TGFBR2: variants seen among roughly 807,000 people sequenced by gnomAD.
The protein encoded by TGFBR2 is transforming growth factor beta receptor 2.
A neutral mutation model predicts 49.0 loss-of-function variants in TGFBR2; 18 were observed. That is an observed-to-expected ratio of 0.37 (90% CI 0.25 to 0.54). The LOEUF (loss-of-function observed/expected upper bound fraction) is 0.54, where lower values mean the gene tolerates loss of function less well. Ranked by LOEUF, TGFBR2 falls within the 20% of genes least tolerant of loss-of-function variation. The pLI, the probability that TGFBR2 is intolerant of heterozygous loss-of-function variation, is 0.85. For synonymous variants in TGFBR2, 282 were observed against 275.9 expected (o/e 1.02, Z -0.22); for missense variants, 525 against 722.6 (o/e 0.73, Z 3.13).
chr3:30,613,516 G>A (rs1359108745), intron 1 of TGFBR2, among the ~76,000 whole-genome samples: 1 of 143,660 alleles, frequency 7.0e-6, no homozygotes, highest in African/African-American at 2.7e-5. Flanking sequence ...GTGTGTGTGT[G>A]TCTGTATGTG....
At position 30,607,108 on chromosome 3, in the gene TGFBR2, A is replaced by T. The variant is rs1575126026; in HGVS notation, c.94+131A>T. The T allele has an allele frequency of 5.7e-6, 4 of 706,586 alleles. No homozygotes were observed. In the Admixed American group the frequency reaches 1.0e-4, roughly 18 times the overall value. 43.8% of individuals were successfully genotyped at this position (706,586 alleles called of 1,614,324 possible). On this transcript the variant is annotated intron_variant, in intron 1 of 6. Transcript: ENST00000295754. ...GGAAACGAGGAAAGTTTCCCCCGCGACACTCACGCAGCCCGACTCCCGTAG... is the reference window on the plus strand; with the variant it reads ...GGAAACGAGGAAAGTTTCCCCCGCGTCACTCACGCAGCCCGACTCCCGTAG...
At chr3:30,636,118 C>G (rs1698523612) in intron 1 of TGFBR2, among the ~76,000 whole-genome samples, 1 of 148,484 alleles carries the variant, frequency 6.7e-6, no homozygotes. Context: ...AATTGTTGGC[C>G]AGATGGTAGG....
intron 3 of TGFBR2, among the ~76,000 whole-genome samples, chr3:30,652,288 G>A (rs1698906580): frequency 7.7e-6 from 1 of 129,204 alleles, no homozygotes; most frequent in Non-Finnish European, 1.5e-5. Flanking sequence ...AGGCTGGAGT[G>A]CAATGGCACG....
intron 3 of TGFBR2, among the ~76,000 whole-genome samples, chr3:30,657,220 T>A (rs916444585): frequency 6.6e-6 from 1 of 152,198 alleles, no homozygotes; most frequent in African/African-American, 2.4e-5. Flanking sequence ...TGTGTTTGCT[T>A]TTTTATCAGT....
At chr3:30,655,561 A>G (rs918234690) in intron 3 of TGFBR2, among the ~76,000 whole-genome samples, 1 of 152,206 alleles carries the variant, frequency 6.6e-6, no homozygotes, top group Non-Finnish European at 1.5e-5. Context: ...AATAAAACTG[A>G]AACAACCCAC....
At chr3:30,615,427 T>C (rs547836301) in intron 1 of TGFBR2, among the ~76,000 whole-genome samples, 2 of 152,250 alleles carry the variant, frequency 1.3e-5, no homozygotes, top group African/African-American at 4.8e-5. Context: ...AAATTTGAAG[T>C]CAATCCAAAA....
chr3:30,647,285 C>A (rs187039699), intron 2 of TGFBR2, among the ~76,000 whole-genome samples: 4 of 152,334 alleles, frequency 2.6e-5, no homozygotes, highest in African/African-American at 9.6e-5. Flanking sequence ...AAGGACATCC[C>A]ATTTTCAGAG....
intron 1 of TGFBR2, 29 bp downstream of exon 1, chr3:30,607,006 G>A (rs757965154): frequency 9.1e-6 from 14 of 1,546,176 alleles, no homozygotes; most frequent in Non-Finnish European, 1.1e-5. Flanking sequence ...GGGCTCGGCG[G>A]GGCGCCGGGG....
chr3:30,608,042 G>C (rs191117291), intron 1 of TGFBR2, among the ~76,000 whole-genome samples: 1 of 151,264 alleles, frequency 6.6e-6, no homozygotes, highest in Non-Finnish European at 1.5e-5. Context: ...GGGTTCAAGC[G>C]ATTCTCCTGC....
At chr3:30,655,127 T>G (rs1203450266) in intron 3 of TGFBR2, among the ~76,000 whole-genome samples, 1 of 152,188 alleles carries the variant, frequency 6.6e-6, no homozygotes, top group Non-Finnish European at 1.5e-5. Context: ...ATTGAGTAGA[T>G]TAATGCATGT....
intron 1 of TGFBR2, among the ~76,000 whole-genome samples, chr3:30,627,972 C>G (rs1698364362): frequency 6.6e-6 from 1 of 152,032 alleles, no homozygotes; most frequent in African/African-American, 2.4e-5. Flanking sequence ...GATTAAATTA[C>G]TTGTACTTTT....
intron 2 of TGFBR2, among the ~76,000 whole-genome samples, chr3:30,649,362 A>G (rs1575146053): frequency 6.6e-6 from 1 of 152,162 alleles, no homozygotes; most frequent in African/African-American, 2.4e-5. Context: ...CTTTTGTTCA[A>G]TTATAATAGT....
intron 5 of TGFBR2, among the ~76,000 whole-genome samples, chr3:30,681,503 A>G (rs1699539851): frequency 6.6e-6 from 1 of 152,144 alleles, no homozygotes; most frequent in Non-Finnish European, 1.5e-5. Context: ...GAGACAGGCA[A>G]GCGTAGTTTT....
At chr3:30,636,757 T>TGC (rs1698541065) in intron 1 of TGFBR2, among the ~76,000 whole-genome samples, 1 of 151,816 alleles carries the variant, frequency 6.6e-6, no homozygotes, top group Non-Finnish European at 1.5e-5. Context: ...TGTGTGTGTG[T>TGC]GTATTCCCTT....
At chr3:30,688,550 C>T (rs533882741) in intron 6 of TGFBR2, 39 bp downstream of exon 6, 56 of 1,613,470 alleles carry the variant, frequency 3.5e-5, no homozygotes, top group Non-Finnish European at 4.7e-5. Flanking sequence ...TAAGATTCAA[C>T]CAAGTTGCCT....
intron 5 of TGFBR2, among the ~76,000 whole-genome samples, chr3:30,687,099 G>A (rs1298184508): frequency 6.6e-6 from 1 of 152,130 alleles, no homozygotes; most frequent in East Asian, 1.9e-4. Flanking sequence ...GTATATGCAC[G>A]AATAGAGCCC....
At chr3:30,607,864 TA>T (rs917895476) in intron 1 of TGFBR2, among the ~76,000 whole-genome samples, 11 of 142,924 alleles carry the variant, frequency 7.7e-5, no homozygotes, top group Non-Finnish European at 1.4e-4. Flanking sequence ...TATATAATAT[TA>T]ATATATATAT....
chr3:30,681,261 G>A (rs1273847780), intron 5 of TGFBR2, among the ~76,000 whole-genome samples: 2 of 152,040 alleles, frequency 1.3e-5, no homozygotes, highest in Non-Finnish European at 2.9e-5. Flanking sequence ...AGAGACGGCT[G>A]AGGAGAGACC....
intron 3 of TGFBR2, among the ~76,000 whole-genome samples, chr3:30,663,772 G>T (rs1034902816): frequency 1.3e-5 from 2 of 152,124 alleles, no homozygotes. Context: ...TTACAAGAGT[G>T]TTGATCTTAT....
Sources: gnomAD v4.1 joint callset for allele counts (sites outside exome capture counted in the v4.1 genomes callset) on GRCh38, gnomAD v4.1.1 for gene constraint, MANE v1.5 for transcripts, NCBI Gene and HGNC (gene_info 2026-07-23, HGNC 2026-07-21) for gene names.